The following DGKI variants were observed in gnomAD, a reference collection of about 807,000 sequenced individuals.
The protein encoded by DGKI is diacylglycerol kinase iota, also known as DAG kinase iota.
DGKI carries 55 observed loss-of-function variants against 147.5 expected under a neutral mutation model. The ratio of observed to expected loss-of-function variants is 0.37; its 90% CI spans 0.30 to 0.47. DGKI has a LOEUF of 0.47. Among genes scored for constraint, DGKI ranks in the 20% least tolerant of loss-of-function variants. The pLI is 1.00. For missense variants in DGKI, 1,007 were observed against 1,323.8 expected, an observed-to-expected ratio of 0.76 and a Z score of 3.71; for synonymous variants, 469 against 477.1, an observed-to-expected ratio of 0.98 and a Z score of 0.22.
chr7:137,834,965 C>G lies in DGKI; in HGVS notation c.401+11497G>C, dbSNP rs141100864. On this transcript the variant is annotated intron_variant, in intron 1 of 32. Transcript: ENST00000614521. ...TGGGACATTAAGTATACGTCCTCCT[C>G]TGCACTCAGATCCTTCTGATAAACT... Among the ~76,000 whole-genome samples, 23 of 152,302 alleles carry G rather than the reference C, an allele frequency of 1.5e-4. No homozygotes were observed. The East Asian group carries it at 4.1e-3, about 27-fold the overall frequency.
At chr7:137,552,855 C>T (rs927726756) in intron 19 of DGKI, among the ~76,000 whole-genome samples, 2 of 151,920 alleles carry the variant, frequency 1.3e-5, no homozygotes, top group Non-Finnish European at 2.9e-5. Flanking sequence ...GCAGAGGTTG[C>T]AGTGAGCCGA....
intron 1 of DGKI, among the ~76,000 whole-genome samples, chr7:137,791,831 C>T (rs991538733): frequency 6.6e-6 from 1 of 152,132 alleles, no homozygotes; most frequent in Non-Finnish European, 1.5e-5. Flanking sequence ...CAATCCTTTC[C>T]CCCTCACTTC....
chr7:137,633,323 A>C (rs1054060871), intron 6 of DGKI, among the ~76,000 whole-genome samples: 2 of 152,214 alleles, frequency 1.3e-5, no homozygotes, highest in Non-Finnish European at 1.5e-5. Context: ...CAATTGTGTA[A>C]GTGGAGTGAA....
intron 3 of DGKI, among the ~76,000 whole-genome samples, chr7:137,678,000 A>G (rs929707110): frequency 5.9e-5 from 9 of 152,346 alleles, no homozygotes; most frequent in South Asian, 4.1e-4. Flanking sequence ...CACAAAGCAA[A>G]TTTTAAACAA....
At chr7:137,731,686 T>C (rs1472712227) in intron 1 of DGKI, among the ~76,000 whole-genome samples, 1 of 152,140 alleles carries the variant, frequency 6.6e-6, no homozygotes, top group Non-Finnish European at 1.5e-5. Flanking sequence ...CCTTGATTTC[T>C]GGAACTAGTT....
At chr7:137,686,830 G>A (rs1341602348) in intron 2 of DGKI, among the ~76,000 whole-genome samples, 1 of 152,140 alleles carries the variant, frequency 6.6e-6, no homozygotes, top group Non-Finnish European at 1.5e-5. Flanking sequence ...AAATACTTGT[G>A]TCCCTTCAGA....
At chr7:137,522,607 G>A (rs79898820) in intron 20 of DGKI, among the ~76,000 whole-genome samples, 4,868 of 152,092 alleles carry the variant, frequency 0.032, 217 homozygotes, top group East Asian at 0.11. Context: ...AATGAAGTGC[G>A]TAACTCATTT....
In DGKI at chr7:137,463,557, C is replaced by T; in HGVS notation, c.2667G>A (p.Gly889=). ...ALRKRMLSDS[G]LGMIAPYYED... ...CATAATAGGGAGCTATCATCCCCAG[C>T]CCACTGTCACTCAGCATGCGTTTCC... Residue 889 remains glycine, a synonymous_variant, in exon 27 of 33, where the codon GGG becomes GGA. Transcript: ENST00000614521. 6.2e-7 allele frequency: 1 copy of T among 1,614,190 alleles called. No individual in the cohort carries two copies. Among genetic ancestry groups the T allele is most frequent in the Non-Finnish European group, 8.5e-7 (1 of 1,180,026 alleles).
chr7:137,466,800 T>C, intron 25 of DGKI, 102 bp downstream of exon 25: 1 of 1,177,330 alleles, frequency 8.5e-7, no homozygotes, highest in Non-Finnish European at 1.3e-6. Context: ...AAAATTTGTG[T>C]CTCAGTGGTT....
intron 3 of DGKI, among the ~76,000 whole-genome samples, chr7:137,671,547 C>T (rs1023583180): frequency 1.3e-5 from 2 of 152,176 alleles, no homozygotes; most frequent in Non-Finnish European, 2.9e-5. Flanking sequence ...AAAATGAATA[C>T]AAACATTTGT....
At position 137,391,064 on chromosome 7, in the gene DGKI, G is replaced by T; in HGVS notation, c.*156C>A. On this transcript the variant is annotated 3_prime_UTR_variant, in exon 33 of 33. Coordinates refer to ENST00000614521, the MANE Select transcript of DGKI (RefSeq NM_001321708.2). Reference sequence around the variant, plus strand: ...CTATCATGTTCTGTTGTACATCTTGGTAGCCCTTAAAAGCTAGTGGCATGG... The same window carrying T: ...CTATCATGTTCTGTTGTACATCTTGTTAGCCCTTAAAAGCTAGTGGCATGG... 1 of 668,946 alleles carries T rather than the reference G, an allele frequency of 1.5e-6. No homozygotes were observed. Among genetic ancestry groups the T allele is most frequent in the South Asian group, 1.7e-5 (1 of 57,502 alleles). The allele number at this position is 668,946 out of a possible 1,614,324, so 41.4% of individuals were successfully genotyped here. A position where few individuals can be genotyped will look rare whatever the true frequency, so the allele number is the denominator to read the frequency against.
At chr7:137,691,798 G>T (rs1341928711) in intron 1 of DGKI, among the ~76,000 whole-genome samples, 4 of 95,822 alleles carry the variant, frequency 4.2e-5, no homozygotes, top group East Asian at 3.5e-4. Flanking sequence ...AGACCTTTGG[G>T]TTTTTTTTTT....
At chr7:137,792,874 C>A (rs998988044) in intron 1 of DGKI, among the ~76,000 whole-genome samples, 10 of 152,210 alleles carry the variant, frequency 6.6e-5, no homozygotes, top group Non-Finnish European at 1.5e-5. Flanking sequence ...GAGGCTGGTG[C>A]CATGCTTGCA....
chr7:137,638,577 TATATATACACATATATAC>T (rs1821473300), intron 6 of DGKI, among the ~76,000 whole-genome samples: 3 of 98,820 alleles, frequency 3.0e-5, no homozygotes, highest in Admixed American at 1.0e-4. Flanking sequence ...CACATATATG[TATATATACACATATATAC>T]ATATATGTAT....
chr7:137,700,039 T>C (rs1823922709), intron 1 of DGKI, among the ~76,000 whole-genome samples: 1 of 152,174 alleles, frequency 6.6e-6, no homozygotes, highest in Non-Finnish European at 1.5e-5. Context: ...ATAGATATAA[T>C]GGGATGTCTG....
rs1301784466 is a variant in DGKI at position 137,385,665 on chromosome 7, T to A, written c.*5555A>T. 1 of 152,178 alleles carries A rather than the reference T, an allele frequency of 6.6e-6. No homozygotes were observed. Among genetic ancestry groups the A allele is most frequent in the Non-Finnish European group, 1.5e-5 (1 of 68,012 alleles). 9.4% of individuals were successfully genotyped at this position (152,178 alleles called of 1,614,324 possible). A position where few individuals can be genotyped will look rare whatever the true frequency, so the allele number is the denominator to read the frequency against. On this transcript the variant is annotated 3_prime_UTR_variant, in exon 33 of 33. Transcript: ENST00000614521. ...TCTTAGCTTTCATTTTAATAGTGTT[T>A]CTAAGTCTTGTTTTAAAATCTTAGT...
In DGKI at chr7:137,552,556, C is replaced by T; in HGVS notation, c.1960G>A (p.Val654Ile). 1 of 1,614,022 alleles carries T rather than the reference C, an allele frequency of 6.2e-7. No homozygotes were observed. Among genetic ancestry groups the T allele is most frequent in the Non-Finnish European group, 8.5e-7 (1 of 1,179,986 alleles). ...TGTAGCCTCTCTCCATGGCCCCCAA[C>T]TTGCAGGGCTGCCTATAAAAACAAG... Reference protein sequence around the residue: ...FTMASLAALQVGGHGERLHQC... With the variant: ...FTMASLAALQIGGHGERLHQC... Residue 654 changes from valine (V) to isoleucine (I), a missense_variant, in exon 20 of 33, where the codon GTT becomes ATT. Coordinates refer to ENST00000614521, the MANE Select transcript of DGKI (RefSeq NM_001321708.2).
At chr7:137,451,968 G>C (rs988344988) in intron 27 of DGKI, among the ~76,000 whole-genome samples, 21 of 152,088 alleles carry the variant, frequency 1.4e-4, no homozygotes, top group Admixed American at 9.8e-4. Context: ...TTTGGAGATA[G>C]GATGTCAATA....
intron 1 of DGKI, among the ~76,000 whole-genome samples, chr7:137,778,131 T>C (rs963627766): frequency 6.6e-6 from 1 of 152,222 alleles, no homozygotes; most frequent in African/African-American, 2.4e-5. Flanking sequence ...TATGAAAGTA[T>C]GAGTAGCCCA....
Sources: gnomAD v4.1 joint callset for allele counts (sites outside exome capture counted in the v4.1 genomes callset) on GRCh38, gnomAD v4.1.1 for gene constraint, MANE v1.5 for transcripts, NCBI Gene and HGNC (gene_info 2026-07-23, HGNC 2026-07-21) for gene names.